The following CD200R1 variants were observed in gnomAD, a reference collection of about 807,000 sequenced individuals.
CD200R1 encodes the protein cell surface glycoprotein CD200 receptor 1.
In CD200R1, 30 loss-of-function variants were observed where a neutral mutation model predicts 38.1. The observed-to-expected ratio is 0.79, with a 90% CI of 0.59 to 1.07. The LOEUF (loss-of-function observed/expected upper bound fraction) is 1.07, where lower values mean the gene tolerates loss of function less well. Ranked by LOEUF, CD200R1 falls within the 50% of genes least tolerant of loss-of-function variation. The pLI, the probability that CD200R1 is intolerant of heterozygous loss-of-function variation, is 0.00. For missense variants in CD200R1, 372 were observed against 415.4 expected (o/e 0.90, Z 0.91); for synonymous variants, 128 against 152.1 (o/e 0.84, Z 1.16).
intron 1 of CD200R1, 137 bp from the exon 2 acceptor site, chr3:112,948,061 C>G: frequency 3.0e-6 from 2 of 663,400 alleles, no homozygotes; most frequent in Non-Finnish European, 5.4e-6. Context: ...TAAATTATGA[C>G]AGCCAAGCAA....
chr3:112,951,359 G>A lies in CD200R1; in HGVS notation c.68-3435C>T, dbSNP rs1435755275. ...ATATCTTTAAAAAACTGAATTTGTT[G>A]ATAAAAAGCCTTCTATCAAATTGGC... On this transcript the variant is annotated intron_variant, in intron 1 of 7. Transcript: ENST00000308611. Among the ~76,000 whole-genome samples, 178 of 151,940 alleles carry A rather than the reference G, an allele frequency of 1.2e-3. 1 individual carries two copies. The highest frequency in any genetic ancestry group is 1.0e-4 in the Non-Finnish European group (7 of 67,940).
chr3:112,973,666 TG>T (rs1209744918), intron 1 of CD200R1, among the ~76,000 whole-genome samples: 2 of 152,216 alleles, frequency 1.3e-5, no homozygotes, highest in African/African-American at 4.8e-5. Context: ...GATTAACATG[TG>T]GAAAGAAGAT....
chr3:112,968,194 A>G (rs1198524238), intron 1 of CD200R1, among the ~76,000 whole-genome samples: 1 of 152,214 alleles, frequency 6.6e-6, no homozygotes, highest in Non-Finnish European at 1.5e-5. Context: ...ATGGGAAAGA[A>G]GAACGAAATT....
At chr3:112,969,726 T>C (rs933111141) in intron 1 of CD200R1, among the ~76,000 whole-genome samples, 5 of 152,196 alleles carry the variant, frequency 3.3e-5, no homozygotes, top group Non-Finnish European at 7.3e-5. Flanking sequence ...AGTGAGGGTG[T>C]CAGTTGGTTG....
intron 5 of CD200R1, among the ~76,000 whole-genome samples, chr3:112,926,904 A>T (rs551962304): frequency 6.6e-6 from 1 of 152,260 alleles, no homozygotes; most frequent in Middle Eastern, 3.4e-3. Context: ...TAGAATAAAT[A>T]CAAACCTTAG....
chr3:112,964,963 C>A (rs1393160786), intron 1 of CD200R1, among the ~76,000 whole-genome samples: 1 of 152,210 alleles, frequency 6.6e-6, no homozygotes, highest in Admixed American at 6.5e-5. Context: ...AGTTTCCCTG[C>A]ACAAGCTCTC....
At chr3:112,930,583 A>G (rs1464380878) in intron 3 of CD200R1, among the ~76,000 whole-genome samples, 3 of 152,238 alleles carry the variant, frequency 2.0e-5, no homozygotes, top group African/African-American at 7.2e-5. Context: ...CTGAGAGGTG[A>G]TTAGTCCACC....
At chr3:112,966,482 T>A (rs529566917) in intron 1 of CD200R1, among the ~76,000 whole-genome samples, 20 of 152,302 alleles carry the variant, frequency 1.3e-4, no homozygotes, top group Non-Finnish European at 1.8e-4. Context: ...TGGGGATCTG[T>A]AAACATTTAC....
intron 1 of CD200R1, among the ~76,000 whole-genome samples, chr3:112,960,696 T>C (rs774446949): frequency 2.0e-5 from 3 of 151,960 alleles, no homozygotes; most frequent in Non-Finnish European, 4.4e-5. Context: ...TCAAAGGGAA[T>C]AACTATACCT....
intron 1 of CD200R1, among the ~76,000 whole-genome samples, chr3:112,953,526 T>G (rs1379779796): frequency 6.6e-6 from 1 of 152,190 alleles, no homozygotes; most frequent in Non-Finnish European, 1.5e-5. Context: ...AAATAATTGG[T>G]GTTCTTCTTT....
intron 2 of CD200R1, among the ~76,000 whole-genome samples, chr3:112,943,835 G>T (rs1308386632): frequency 6.6e-6 from 1 of 151,728 alleles, no homozygotes; most frequent in East Asian, 1.9e-4. Flanking sequence ...AGAATTCTAT[G>T]CCCACAAATT....
chr3:112,965,045 T>A (rs1260716904), intron 1 of CD200R1, among the ~76,000 whole-genome samples: 4 of 152,238 alleles, frequency 2.6e-5, no homozygotes, highest in Non-Finnish European at 5.9e-5. Context: ...CCCAGCCATG[T>A]GGAACTGTAA....
At chr3:112,927,106 A>C (rs1391682357) in intron 5 of CD200R1, among the ~76,000 whole-genome samples, 1 of 152,092 alleles carries the variant, frequency 6.6e-6, no homozygotes, top group African/African-American at 2.4e-5. Flanking sequence ...AAAAGGGGAG[A>C]TTGGCAGATT....
intron 1 of CD200R1, among the ~76,000 whole-genome samples, chr3:112,960,747 A>G (rs928376175): frequency 2.0e-5 from 3 of 152,046 alleles, no homozygotes; most frequent in African/African-American, 7.2e-5. Flanking sequence ...GTTGGGGGAT[A>G]TAACTGGGGA....
At chr3:112,943,797 T>G (rs926096131) in intron 2 of CD200R1, among the ~76,000 whole-genome samples, 1 of 151,802 alleles carries the variant, frequency 6.6e-6, no homozygotes, top group African/African-American at 2.4e-5. Flanking sequence ...GCCATTTACA[T>G]TAAAATGATA....
intron 1 of CD200R1, among the ~76,000 whole-genome samples, chr3:112,972,243 T>C (rs1449871823): frequency 6.6e-6 from 1 of 152,216 alleles, no homozygotes; most frequent in African/African-American, 2.4e-5. Flanking sequence ...AAGTTATTAA[T>C]AAGGACAAAA....
chr3:112,929,077 AAG>A lies in CD200R1; in HGVS notation c.521-15_521-14del. Reference sequence around the variant, plus strand: ...ACTTCAGGTGTAACTGCAGAGAGGAAAGAGGGAAAAAAATGCTTCGGTTTTCA... The same window carrying A: ...ACTTCAGGTGTAACTGCAGAGAGGAAAGGGAAAAAAATGCTTCGGTTTTCA... On this transcript the variant is annotated splice_polypyrimidine_tract_variant and intron_variant, in intron 4 of 7. Transcript: ENST00000308611. 5 of 1,613,018 alleles carry A rather than the reference AAG, an allele frequency of 3.1e-6. No individual in the cohort carries two copies. In the African/African-American group the frequency reaches 4.0e-5, roughly 13 times the overall value.
chr3:112,924,569 G>A, intron 6 of CD200R1, 34 bp from the exon 7 acceptor site: 1 of 1,111,660 alleles, frequency 9.0e-7, no homozygotes, highest in Non-Finnish European at 1.2e-6. Context: ...GTGAATGGAG[G>A]AAACATCATT....
At chr3:112,925,022 T>A in intron 6 of CD200R1, 63 bp downstream of exon 6, 7 of 964,322 alleles carry the variant, frequency 7.3e-6, no homozygotes. Flanking sequence ...GTCAGTTCCA[T>A]ATTTCTGACT....
Sources: allele counts gnomAD v4.1 joint callset (sites outside exome capture counted in the v4.1 genomes callset), GRCh38; gene constraint gnomAD v4.1.1; transcripts MANE v1.5; gene names NCBI Gene and HGNC (gene_info 2026-07-23, HGNC 2026-07-21).